WDPCP: variants seen among roughly 807,000 people sequenced by gnomAD.
WDPCP encodes WD repeat-containing and planar cell polarity effector protein fritz homolog.
Under a neutral mutation model 93.1 loss-of-function variants are expected in WDPCP, and 71 were observed. That is an observed-to-expected ratio of 0.76 (90% CI 0.63 to 0.93). The LOEUF is 0.93. WDPCP is among the 40% of genes least tolerant of loss of function. The pLI, the probability that WDPCP is intolerant of heterozygous loss-of-function variation, is 0.00. For synonymous variants in WDPCP, 315 were observed against 315.0 expected, an observed-to-expected ratio of 1.00 and a Z score of 0.00; for missense variants, 844 against 887.4, an observed-to-expected ratio of 0.95 and a Z score of 0.62.
intron 2 of WDPCP, among the ~76,000 whole-genome samples, chr2:63,768,578 A>G (rs1211066836): frequency 2.6e-5 from 4 of 152,028 alleles, no homozygotes; most frequent in Non-Finnish European, 5.9e-5. Flanking sequence ...AAGCCATTGT[A>G]TTTTCTAAGA....
intron 6 of WDPCP, among the ~76,000 whole-genome samples, chr2:63,470,768 A>G (rs1347728461): frequency 6.6e-6 from 1 of 152,152 alleles, no homozygotes. Flanking sequence ...AAGACATATA[A>G]CTAGTGTCAC....
intron 13 of WDPCP, among the ~76,000 whole-genome samples, chr2:63,282,045 A>G (rs1683597172): frequency 1.3e-5 from 2 of 152,244 alleles, no homozygotes; most frequent in Admixed American, 6.5e-5. Context: ...TTATCAAAAT[A>G]TCAATGACAT....
intron 10 of WDPCP, among the ~76,000 whole-genome samples, chr2:63,388,400 A>G (rs914221093): frequency 6.6e-6 from 1 of 152,206 alleles, no homozygotes; most frequent in African/African-American, 2.4e-5. Context: ...TAGGTCACCA[A>G]CATCAAAGAC....
chr2:63,122,452 G>C (rs1669608259), intron 17 of WDPCP, among the ~76,000 whole-genome samples: 1 of 152,118 alleles, frequency 6.6e-6, no homozygotes, highest in Non-Finnish European at 1.5e-5. Flanking sequence ...GTGTTTTACT[G>C]AGTATTTGAT....
At chr2:63,468,746 C>G (rs1033509200) in intron 6 of WDPCP, among the ~76,000 whole-genome samples, 1 of 152,152 alleles carries the variant, frequency 6.6e-6, no homozygotes, top group African/African-American at 2.4e-5. Context: ...CTGTCTCTCT[C>G]CTTCTTTCTT....
intron 10 of WDPCP, among the ~76,000 whole-genome samples, chr2:63,403,188 C>T (rs6761544): frequency 0.42 from 63,360 of 151,934 alleles, 13,469 homozygotes; most frequent in Non-Finnish European, 0.43. Context: ...AACCAAATAC[C>T]GCATGTTCTC....
intron 3 of WDPCP, among the ~76,000 whole-genome samples, chr2:63,649,656 C>T (rs957161960): frequency 6.6e-6 from 1 of 152,156 alleles, no homozygotes. Context: ...AATATTTGTC[C>T]TTCTTAAATT....
intron 14 of WDPCP, among the ~76,000 whole-genome samples, chr2:63,204,742 C>CCT (rs1676199713): frequency 6.6e-6 from 1 of 151,684 alleles, no homozygotes; most frequent in Non-Finnish European, 1.5e-5. Flanking sequence ...CTTATATATT[C>CCT]TGGTTATTAA....
At chr2:63,371,873 T>C (rs1434491779) in intron 12 of WDPCP, among the ~76,000 whole-genome samples, 1 of 152,212 alleles carries the variant, frequency 6.6e-6, no homozygotes, top group Non-Finnish European at 1.5e-5. Flanking sequence ...GCCCTGTCCC[T>C]GCATGTTCTC....
In WDPCP at chr2:63,404,767, C is replaced by T. The variant is rs1005795611; in HGVS notation, c.826-110G>A. On this transcript the variant is annotated intron_variant, in intron 9 of 17. Transcript: ENST00000272321. ...CCTATTAAAGAAAATCAATTACTAT[C>T]TTAAACATCAGCAACATACAAGTAT... The T allele has an allele frequency of 3.4e-5, 45 of 1,343,042 alleles. No individual in the cohort carries two copies. In the African/African-American group the frequency reaches 6.4e-4, roughly 19 times the overall value. The allele number at this position is 1,343,042 out of a possible 1,614,324, so 83.2% of individuals were successfully genotyped here.
chr2:63,543,166 T>G (rs1241378376), intron 1 of WDPCP, among the ~76,000 whole-genome samples: 1 of 152,184 alleles, frequency 6.6e-6, no homozygotes, highest in East Asian at 1.9e-4. Context: ...ATATCCTATA[T>G]TGTTTCACTA....
intron 1 of WDPCP, among the ~76,000 whole-genome samples, chr2:63,540,427 C>A (rs1040120372): frequency 2.0e-5 from 3 of 152,126 alleles, no homozygotes; most frequent in Non-Finnish European, 4.4e-5. Context: ...GACCTCCTCT[C>A]ATGGTGGGAT....
At chr2:63,375,008 A>G (rs1470877807) in intron 12 of WDPCP, among the ~76,000 whole-genome samples, 1 of 152,004 alleles carries the variant, frequency 6.6e-6, no homozygotes, top group East Asian at 1.9e-4. Flanking sequence ...AAAAAGCACA[A>G]CTCTCTGTGC....
intron 2 of WDPCP, among the ~76,000 whole-genome samples, chr2:63,678,865 T>C (rs1286043730): frequency 6.6e-6 from 1 of 152,188 alleles, no homozygotes; most frequent in Non-Finnish European, 1.5e-5. Context: ...TCAGCATAGT[T>C]CTAGAGCTAG....
chr2:63,838,357 G>T, the WDPCP span, among the ~76,000 whole-genome samples: 1 of 152,326 alleles, frequency 6.6e-6, no homozygotes, highest in South Asian at 2.1e-4. Context: ...TAGGATATGG[G>T]ACTGGGTAAA....
intron 2 of WDPCP, among the ~76,000 whole-genome samples, chr2:63,721,162 T>C (rs1669408044): frequency 6.6e-6 from 1 of 152,252 alleles, no homozygotes; most frequent in African/African-American, 2.4e-5. Flanking sequence ...CAAGGAAAAT[T>C]GGCATGACTG....
intron 17 of WDPCP, among the ~76,000 whole-genome samples, chr2:63,135,733 TTTTG>T (rs754355834): frequency 6.6e-6 from 1 of 151,604 alleles, no homozygotes; most frequent in Non-Finnish European, 1.5e-5. Flanking sequence ...AATTAAGTTT[TTTTG>T]TTTGTTTGTT....
intron 2 of WDPCP, among the ~76,000 whole-genome samples, chr2:63,708,852 C>T (rs1396393712): frequency 1.3e-5 from 2 of 151,670 alleles, no homozygotes; most frequent in Non-Finnish European, 2.9e-5. Flanking sequence ...CCTCATGATC[C>T]GCCCACCTCA....
At chr2:63,707,293 T>G (rs1208095379) in intron 2 of WDPCP, among the ~76,000 whole-genome samples, 1 of 152,234 alleles carries the variant, frequency 6.6e-6, no homozygotes, top group Non-Finnish European at 1.5e-5. Context: ...TCTTTTCACA[T>G]AGTCCCATAT....
Sources: gnomAD v4.1 joint callset for allele counts (sites outside exome capture counted in the v4.1 genomes callset) on GRCh38, gnomAD v4.1.1 for gene constraint, MANE v1.5 for transcripts, NCBI Gene and HGNC (gene_info 2026-07-23, HGNC 2026-07-21) for gene names.